Variants in OTOP3 observed in about 807,000 individuals in gnomAD.
OTOP3 encodes the protein otopetrin 3, also known as proton channel OTOP3.
Under a neutral mutation model 50.8 loss-of-function variants are expected in OTOP3, and 41 were observed. The ratio of observed to expected loss-of-function variants is 0.81; its 90% confidence interval spans 0.63 to 1.05. The LOEUF is 1.05. Ranked by LOEUF, OTOP3 falls within the 50% of genes least tolerant of loss-of-function variation. The probability of loss-of-function intolerance (pLI) is 0.00; values close to 1 mark genes in which losing one functional copy is unlikely to be tolerated. For synonymous variants in OTOP3, 320 were observed against 324.4 expected (o/e 0.99, Z 0.14); for missense variants, 788 against 760.8 (o/e 1.04, Z -0.42).
At position 74,936,478 on chromosome 17, in the gene OTOP3, C is replaced by T. The variant is rs982620012; in HGVS notation, c.19+538C>T. 2.6e-5 allele frequency among the ~76,000 whole-genome samples: 4 copies of T among 152,202 alleles called. No homozygotes were observed. In the South Asian group the frequency reaches 8.3e-4, roughly 32 times the overall value. The stretch of plus-strand genomic sequence containing the variant: ...GTGTCCCGGCCCTCCCTTGGACTGG[C>T]GTCGCGCCCAGGGGCGTGCCAGGGG... On this transcript the variant is annotated intron_variant, in intron 1 of 6. Coordinates refer to ENST00000328801, the MANE Select transcript of OTOP3 (RefSeq NM_001272005.2).
chr17:74,948,934 G>A (rs1598609595), intron 6 of OTOP3, among the ~76,000 whole-genome samples: 1 of 152,246 alleles, frequency 6.6e-6, no homozygotes, highest in African/African-American at 2.4e-5. Flanking sequence ...GACAGAGCAG[G>A]TGGCGCGCTG....
Position 74,946,918 on chromosome 17 carries a change from T to C in OTOP3, c.1009T>C (p.Phe337Leu). Residue 337 changes from phenylalanine to leucine, a missense_variant, in exon 6 of 7, where the codon TTT (phenylalanine) becomes CTT (leucine). Coordinates refer to ENST00000328801, the MANE Select transcript of OTOP3 (RefSeq NM_001272005.2). ...GGTGCTGCTGGCAGGTGTGTGCGTC[T>C]TTGTGCTCTTCCAAATCGAGGCCAG... is the stretch of plus-strand genomic sequence containing the variant. Reference protein sequence around the residue: ...LLVLLAGVCVFVLFQIEASGP... With the variant: ...LLVLLAGVCVLVLFQIEASGP... 1 of 1,612,440 alleles carries C rather than the reference T, an allele frequency of 6.2e-7. No homozygotes were observed. The highest frequency in any genetic ancestry group is 8.5e-7 in the Non-Finnish European group (1 of 1,179,936).
Position 74,949,468 on chromosome 17 carries a change from G to A in OTOP3, c.*52G>A. On this transcript the variant is annotated 3_prime_UTR_variant, in exon 7 of 7. Coordinates refer to ENST00000328801, the MANE Select transcript of OTOP3 (RefSeq NM_001272005.2). ...AAGTGCCAAGGTGGGGAAGATGGTA[G>A]CCCAGAGTCTCTGAGCAGATGCCTC... is the stretch of plus-strand genomic sequence containing the variant. The A allele has an allele frequency of 1.3e-6, 2 of 1,591,042 alleles. No homozygotes were observed. Among genetic ancestry groups the A allele is most frequent in the East Asian group, 2.2e-5 (1 of 44,626 alleles).
intron 1 of OTOP3, among the ~76,000 whole-genome samples, chr17:74,937,301 C>G (rs898440359): frequency 1.3e-5 from 2 of 152,152 alleles, no homozygotes; most frequent in East Asian, 3.9e-4. Flanking sequence ...CTACTATGCA[C>G]CAGCTACTAT....
chr17:74,938,253 C>T (rs1446685567), intron 1 of OTOP3, among the ~76,000 whole-genome samples: 2 of 151,926 alleles, frequency 1.3e-5, no homozygotes, highest in East Asian at 1.9e-4. Context: ...AATGGGAGCC[C>T]GGAGAGGTTG....
chr17:74,936,392 C>G (rs1004490319), intron 1 of OTOP3, among the ~76,000 whole-genome samples: 3 of 152,186 alleles, frequency 2.0e-5, no homozygotes, highest in African/African-American at 7.2e-5. Flanking sequence ...GGGCCGGGCG[C>G]CGGGCCCGAC....
In OTOP3 at chr17:74,943,687, C is replaced by T. The variant is rs371360894; in HGVS notation, c.714C>T (p.Ile238=). 9.3e-6 allele frequency: 15 copies of T among 1,610,696 alleles called. No homozygotes were observed. Among genetic ancestry groups the T allele is most frequent in the East Asian group, 2.2e-5 (1 of 44,846 alleles). ...AVTNDSMHRE[I]EAELGILMEK... ...CCAATGACTCCATGCACCGAGAGAT[C>T]GAAGCTGAGCTTGGCATCCTCATGG... The change falls in exon 5 of 7, where the codon ATC becomes ATT. Residue 238 remains isoleucine (I), a synonymous_variant. Transcript: ENST00000328801.
In OTOP3 at chr17:74,949,352, C is replaced by T. The variant is rs373672438; in HGVS notation, c.1673C>T (p.Pro558Leu). ...IWFAIVNFGL[P>L]LGVFYRMHSV... ...TTCGCCATCGTCAACTTCGGCCTGC[C>T]TCTGGGGGTCTTCTACCGCATGCAC... is the stretch of plus-strand genomic sequence containing the variant. Residue 558 changes from proline (P) to leucine (L), a missense_variant, in exon 7 of 7, where the codon CCT becomes CTT. Transcript: ENST00000328801. 33 of 1,613,968 alleles carry T rather than the reference C, an allele frequency of 2.0e-5. No homozygotes were observed. The African/African-American group carries it at 3.2e-4, about 16-fold the overall frequency.
rs779759580 is a variant in OTOP3 at position 74,941,374 on chromosome 17, AC to A, written c.20-16del. 8.4e-5 allele frequency: 124 copies of A among 1,467,628 alleles called. No homozygotes were observed. Among genetic ancestry groups the A allele is most frequent in the Non-Finnish European group, 1.1e-4 (119 of 1,106,752 alleles). The allele number at this position is 1,467,628 out of a possible 1,614,324, so 90.9% of individuals were successfully genotyped here. A position where few individuals can be genotyped will look rare whatever the true frequency, so the allele number is the denominator to read the frequency against. On this transcript the variant is annotated intron_variant, in intron 1 of 6. Coordinates refer to ENST00000328801, the MANE Select transcript of OTOP3 (RefSeq NM_001272005.2). The stretch of plus-strand genomic sequence containing the variant: ...AGGACAGCCTGGCAGTTAACCCAGG[AC>A]CCTTTCTCCATCTCCAGCCCCTGCT...
Position 74,941,975 on chromosome 17 carries a change from C to T in OTOP3, c.511C>T (p.Arg171Cys), listed in dbSNP as rs749573710. Residue 171 changes from arginine (R) to cysteine (C), a missense_variant, in exon 3 of 7, where the codon CGC (arginine) becomes TGC (cysteine). Arg to Cys is a radical substitution (Grantham distance 180). Transcript: ENST00000328801. ...FRVGYDVSHI[R>C]CKSQLDLVFS... ...AGTGGGCTACGATGTGAGCCACATC[C>T]GCTGCAAGTCACAGCTGGACCTTGT... 33 of 1,613,710 alleles carry T rather than the reference C, an allele frequency of 2.0e-5. No individual in the cohort carries two copies. The highest frequency in any genetic ancestry group is 5.5e-5 in the South Asian group (5 of 91,024).
chr17:74,941,818 CA>C lies in OTOP3; in HGVS notation c.436+10del. On this transcript the variant is annotated intron_variant, in intron 2 of 6. Transcript: ENST00000328801. ...GCCCCTCTGGGTGCGGGGTGAGTGT[CA>C]GGTTGCTGGGGGGCTGGGCAGGGGT... The C allele has an allele frequency of 1.2e-6, 2 of 1,602,256 alleles. No homozygotes were observed. The highest frequency in any genetic ancestry group is 1.7e-6 in the Non-Finnish European group (2 of 1,172,770).
Position 74,941,641 on chromosome 17 carries a change from A to T in OTOP3, c.268A>T (p.Ser90Cys), listed in dbSNP as rs1052517523. ...VVFLGGAFIC[S>C]MIFNKVAVTL... ...GTTCCTGGGTGGCGCCTTCATCTGC[A>T]GCATGATCTTCAACAAGGTGGCCGT... Residue 90 changes from serine (S) to cysteine (C), a missense_variant, in exon 2 of 7, where the codon AGC becomes TGC. By Grantham distance (112) the Ser-to-Cys change is moderately radical (BLOSUM62 -1). Coordinates refer to ENST00000328801, the MANE Select transcript of OTOP3 (RefSeq NM_001272005.2). 5.0e-5 allele frequency: 81 copies of T among 1,614,028 alleles called. No individual in the cohort carries two copies. Among genetic ancestry groups the T allele is most frequent in the Non-Finnish European group, 6.7e-5 (79 of 1,180,016 alleles).
intron 3 of OTOP3, 126 bp downstream of exon 3, chr17:74,942,163 T>C: frequency 1.7e-6 from 2 of 1,204,732 alleles, no homozygotes; most frequent in African/African-American, 1.5e-5. Flanking sequence ...CCCAGGGTCT[T>C]TGCACACACA....
chr17:74,939,540 G>A (rs144842505), intron 1 of OTOP3, among the ~76,000 whole-genome samples: 9 of 152,268 alleles, frequency 5.9e-5, no homozygotes, highest in Non-Finnish European at 1.0e-4. Context: ...GGAAGAAGGA[G>A]TGTCCGGTGG....
chr17:74,946,228 T>G (rs1339179470), intron 5 of OTOP3, among the ~76,000 whole-genome samples: 4 of 152,224 alleles, frequency 2.6e-5, no homozygotes, highest in Non-Finnish European at 5.9e-5. Context: ...TCCACCTGCC[T>G]CAGCCTCCCA....
chr17:74,941,681 T>C lies in OTOP3; in HGVS notation c.308T>C (p.Val103Ala). Residue 103 changes from valine to alanine, a missense_variant, in exon 2 of 7, where the codon GTG becomes GCG. By Grantham distance (64) the Val-to-Ala change is moderately conservative. Coordinates refer to ENST00000328801, the MANE Select transcript of OTOP3 (RefSeq NM_001272005.2). ...FNKVAVTLGD[V>A]WILLATLKVL... ...AAGGTGGCCGTCACTCTGGGTGACG[T>C]GTGGATCCTGCTGGCCACGCTGAAG... 1 of 1,614,148 alleles carries C rather than the reference T, an allele frequency of 6.2e-7. No individual in the cohort carries two copies. Among genetic ancestry groups the C allele is most frequent in the South Asian group, 1.1e-5 (1 of 91,082 alleles).
intron 6 of OTOP3, 151 bp from the exon 7 acceptor site, chr17:74,949,095 C>A: frequency 1.4e-6 from 1 of 737,118 alleles, no homozygotes. Context: ...GAAAGAAGAG[C>A]TCACGCTGAA....
chr17:74,942,088 C>T, intron 3 of OTOP3, 51 bp downstream of exon 3: 1 of 1,553,188 alleles, frequency 6.4e-7, no homozygotes, highest in Non-Finnish European at 8.7e-7. Context: ...CCTATCTACC[C>T]ATGCCATGCA....
At position 74,942,145 on chromosome 17, in the gene OTOP3, C is replaced by G; in HGVS notation, c.573+108C>G. The G allele has an allele frequency of 7.3e-6, 10 of 1,372,524 alleles. No homozygotes were observed. In the South Asian group the frequency reaches 1.4e-4, roughly 19 times the overall value. 85.0% of individuals were successfully genotyped at this position (1,372,524 alleles called of 1,614,324 possible). On this transcript the variant is annotated intron_variant, in intron 3 of 6. Coordinates refer to ENST00000328801, the MANE Select transcript of OTOP3 (RefSeq NM_001272005.2). ...CTAGGAACAGCCACACAGGCAAATA[C>G]CTAATGTCCCAGGGTCTTTGCACAC...
Sources: gnomAD v4.1 joint callset for allele counts (sites outside exome capture counted in the v4.1 genomes callset) on GRCh38, gnomAD v4.1.1 for gene constraint, MANE v1.5 for transcripts, NCBI Gene and HGNC (gene_info 2026-07-23, HGNC 2026-07-21) for gene names.